STXBP4: variants seen among roughly 807,000 people sequenced by gnomAD.
STXBP4 encodes syntaxin-binding protein 4.
A neutral mutation model predicts 76.1 loss-of-function variants in STXBP4; 55 were observed. The observed-to-expected ratio is 0.72, with a 90% confidence interval of 0.58 to 0.91. STXBP4 has a LOEUF of 0.91. Ranked by LOEUF, STXBP4 falls within the 40% of genes least tolerant of loss-of-function variation. STXBP4 has a pLI of 0.00. For missense variants in STXBP4, 618 were observed against 636.9 expected (o/e 0.97, Z 0.32); for synonymous variants, 201 against 220.2 (o/e 0.91, Z 0.77).
At chr17:55,174,637 T>G (rs1212076604), downstream of STXBP4, among the ~76,000 whole-genome samples, 2 of 152,194 alleles carry the variant, frequency 1.3e-5, no homozygotes, top group Non-Finnish European at 2.9e-5. Flanking sequence ...AATTCAACTT[T>G]TCCATATTTC....
intron 10 of STXBP4, among the ~76,000 whole-genome samples, chr17:55,041,293 C>T (rs1424743329): frequency 4.2e-5 from 6 of 144,496 alleles, no homozygotes; most frequent in African/African-American, 1.6e-4. Flanking sequence ...TGCAGTGGTG[C>T]AATCTCGGCT....
chr17:55,081,320 A>G, intron 16 of STXBP4, 137 bp downstream of exon 16: 1 of 576,980 alleles, frequency 1.7e-6, no homozygotes, highest in Non-Finnish European at 2.7e-6. Flanking sequence ...TTAATGTACC[A>G]ATCATAGGAG....
chr17:55,011,810 G>T (rs1357992524), intron 8 of STXBP4, among the ~76,000 whole-genome samples: 1 of 152,084 alleles, frequency 6.6e-6, no homozygotes, highest in Non-Finnish European at 1.5e-5. Flanking sequence ...TTCTTAGTCG[G>T]CCTAGGAAAT....
chr17:55,017,834 T>C (rs2078236026), intron 8 of STXBP4, among the ~76,000 whole-genome samples: 1 of 152,174 alleles, frequency 6.6e-6, no homozygotes, highest in Non-Finnish European at 1.5e-5. Context: ...CCAGACAGCC[T>C]CACACCTGAG....
the STXBP4 span, among the ~76,000 whole-genome samples, chr17:55,205,444 C>T: frequency 1.3e-5 from 2 of 151,934 alleles, no homozygotes; most frequent in Non-Finnish European, 2.9e-5. Context: ...GATTTGTCTA[C>T]ATTATATAAA....
At chr17:55,039,804 T>A (rs1426631927) in intron 10 of STXBP4, among the ~76,000 whole-genome samples, 2 of 151,982 alleles carry the variant, frequency 1.3e-5, no homozygotes, top group Non-Finnish European at 2.9e-5. Flanking sequence ...GTAGCATTTA[T>A]AGAAATAGGG....
chr17:54,994,380 T>C (rs1244151969), intron 4 of STXBP4, among the ~76,000 whole-genome samples: 5 of 152,204 alleles, frequency 3.3e-5, no homozygotes, highest in Non-Finnish European at 7.3e-5. Flanking sequence ...CATCACACCA[T>C]ATTCTGCTCA....
chr17:55,084,662 G>A lies in STXBP4; in HGVS notation c.1489+3479G>A, dbSNP rs573502652. ...CCATCTTGAATTGATTTTTGTATAA[G>A]GTGTAAGGAAGGGATCCAGTTTCAG... On this transcript the variant is annotated intron_variant, in intron 16 of 17. Transcript: ENST00000376352. Among the ~76,000 whole-genome samples the A allele has an allele frequency of 1.6e-3, 236 of 151,896 alleles. 7 individuals are homozygous for A. The South Asian group carries it at 0.044, about 29-fold the overall frequency.
intron 17 of STXBP4, among the ~76,000 whole-genome samples, chr17:55,154,933 T>A (rs557839383): frequency 7.2e-5 from 11 of 152,130 alleles, no homozygotes; most frequent in African/African-American, 2.6e-4. Flanking sequence ...AAATATATAA[T>A]AAAAATAAAA....
At chr17:55,051,191 A>G (rs867846129) in intron 12 of STXBP4, among the ~76,000 whole-genome samples, 1 of 152,198 alleles carries the variant, frequency 6.6e-6, no homozygotes, top group Non-Finnish European at 1.5e-5. Context: ...TTTTGTGTAC[A>G]TGTTAATATT....
chr17:55,137,194 A>G (rs1298231606), intron 16 of STXBP4, among the ~76,000 whole-genome samples: 1 of 152,134 alleles, frequency 6.6e-6, no homozygotes, highest in East Asian at 1.9e-4. Flanking sequence ...TGAAAATTCC[A>G]TTTATGTGAT....
chr17:55,083,507 C>G (rs1239830674), intron 16 of STXBP4, among the ~76,000 whole-genome samples: 1 of 152,090 alleles, frequency 6.6e-6, no homozygotes, highest in Admixed American at 6.6e-5. Context: ...AACAAATCAA[C>G]CCAAAAGTTA....
intron 17 of STXBP4, among the ~76,000 whole-genome samples, chr17:55,153,989 G>A (rs972675805): frequency 3.9e-5 from 6 of 151,996 alleles, no homozygotes; most frequent in African/African-American, 9.7e-5. Context: ...AAATATTCTC[G>A]TCTTGCTTGA....
chr17:55,115,443 C>G lies in STXBP4; in HGVS notation c.1490-25867C>G, dbSNP rs530018561. ...AGTTCTTTGTATGTTTTCATTTGTT[C>G]AGGGTTGACTAAGAGTATGGTTGCA... On this transcript the variant is annotated intron_variant, in intron 16 of 17. Transcript: ENST00000376352. Among the ~76,000 whole-genome samples, 5 of 151,850 alleles carry G rather than the reference C, an allele frequency of 3.3e-5. No individual in the cohort carries two copies. In the South Asian group the frequency reaches 1.0e-3, roughly 31 times the overall value.
chr17:55,051,458 T>G (rs924618757), intron 12 of STXBP4, among the ~76,000 whole-genome samples: 2 of 152,182 alleles, frequency 1.3e-5, no homozygotes, highest in Non-Finnish European at 2.9e-5. Context: ...TGTTTTGTTT[T>G]GTTTTATTGT....
chr17:55,036,713 A>G (rs1240999264), intron 10 of STXBP4, among the ~76,000 whole-genome samples: 1 of 151,960 alleles, frequency 6.6e-6, no homozygotes, highest in Admixed American at 6.6e-5. Context: ...CCTAAATTCA[A>G]GCAGGAGAAT....
chr17:55,088,219 CCCCT>C (rs1197335588), intron 16 of STXBP4, among the ~76,000 whole-genome samples: 1 of 152,084 alleles, frequency 6.6e-6, no homozygotes, highest in Non-Finnish European at 1.5e-5. Flanking sequence ...TCAGCCACAA[CCCCT>C]CCCTCATTTT....
intron 16 of STXBP4, among the ~76,000 whole-genome samples, chr17:55,134,985 A>G (rs2080012636): frequency 6.6e-6 from 1 of 152,170 alleles, no homozygotes; most frequent in Non-Finnish European, 1.5e-5. Flanking sequence ...ATGTCTGTAC[A>G]TCAGAGTTCA....
rs920955442 is a variant in STXBP4 at position 55,162,381 on chromosome 17, G to A, written c.*2470G>A. 1 of 152,104 alleles carries A rather than the reference G, an allele frequency of 6.6e-6. No individual in the cohort carries two copies. Among genetic ancestry groups the A allele is most frequent in the Non-Finnish European group, 1.5e-5 (1 of 68,024 alleles). The allele number at this position is 152,104 out of a possible 1,614,324, so 9.4% of individuals were successfully genotyped here. On this transcript the variant is annotated 3_prime_UTR_variant, in exon 18 of 18. Transcript: ENST00000376352. ...TTGACTCACTGGCTTGGATTTTAGG[G>A]TTAGAAAATCTGAATGTTCTTATGT...
Sources: gnomAD v4.1 joint callset for allele counts (sites outside exome capture counted in the v4.1 genomes callset) on GRCh38, gnomAD v4.1.1 for gene constraint, MANE v1.5 for transcripts, NCBI Gene and HGNC (gene_info 2026-07-23, HGNC 2026-07-21) for gene names.